Variants in LRRC4C observed in about 807,000 individuals in gnomAD.
LRRC4C encodes leucine rich repeat containing 4C.
In LRRC4C, 5 loss-of-function variants were observed where a neutral mutation model predicts 33.6. That is an observed-to-expected ratio of 0.15 (90% CI 0.08 to 0.31). The LOEUF is 0.31. LRRC4C is among the 10% of genes least tolerant of loss of function. The pLI, the probability that LRRC4C is intolerant of heterozygous loss-of-function variation, is 1.00. For synonymous variants in LRRC4C, 329 were observed against 302.0 expected (o/e 1.09, Z -0.93); for missense variants, 560 against 796.7 (o/e 0.70, Z 3.58).
chr11:40,848,852 G>A (rs1953334004), intron 2 of LRRC4C, among the ~76,000 whole-genome samples: 1 of 152,118 alleles, frequency 6.6e-6, no homozygotes, highest in African/African-American at 2.4e-5. Context: ...TATATACTTA[G>A]AATAGTTAAA....
chr11:40,629,772 A>G (rs1963291037), intron 3 of LRRC4C, among the ~76,000 whole-genome samples: 1 of 152,172 alleles, frequency 6.6e-6, no homozygotes. Context: ...AGCATTTTAA[A>G]TGATAGATGT....
intron 3 of LRRC4C, among the ~76,000 whole-genome samples, chr11:40,566,793 A>T (rs944965469): frequency 6.6e-6 from 1 of 152,182 alleles, no homozygotes; most frequent in Non-Finnish European, 1.5e-5. Flanking sequence ...TTTGCATAAC[A>T]GCCTCAGATG....
chr11:40,836,460 A>G (rs117819683), intron 2 of LRRC4C, among the ~76,000 whole-genome samples: 1,629 of 152,348 alleles, frequency 0.011, 19 homozygotes, highest in Middle Eastern at 0.037. Context: ...AGAAAGTTAT[A>G]GAATTGATCT....
At chr11:41,132,995 A>T (rs1943085400) in intron 1 of LRRC4C, among the ~76,000 whole-genome samples, 1 of 152,216 alleles carries the variant, frequency 6.6e-6, no homozygotes. Flanking sequence ...TAGAGATCAC[A>T]ATTTTTAATG....
chr11:41,073,838 T>C (rs1938903890), intron 1 of LRRC4C, among the ~76,000 whole-genome samples: 1 of 152,214 alleles, frequency 6.6e-6, no homozygotes, highest in South Asian at 2.1e-4. Context: ...CAGTGCTACA[T>C]AGTATCACAT....
At chr11:41,379,710 C>T (rs914792307) in intron 1 of LRRC4C, among the ~76,000 whole-genome samples, 1 of 151,876 alleles carries the variant, frequency 6.6e-6, no homozygotes, top group Admixed American at 6.6e-5. Flanking sequence ...ATGTTCCTGC[C>T]TCAGTGTGCC....
At chr11:40,868,913 G>C (rs1265389172) in intron 2 of LRRC4C, among the ~76,000 whole-genome samples, 1 of 152,082 alleles carries the variant, frequency 6.6e-6, no homozygotes, top group Non-Finnish European at 1.5e-5. Flanking sequence ...TATTCTCTGA[G>C]AAAGTACTTT....
chr11:40,268,050 G>A lies in LRRC4C; in HGVS notation c.-175-26452C>T, dbSNP rs1942412698. ...GAAAAATCAATCTTTTCTGAGAATGGCGTACAGCTCCCGAGTTAGGTAAAG... is the reference window on the plus strand; with the variant it reads ...GAAAAATCAATCTTTTCTGAGAATGACGTACAGCTCCCGAGTTAGGTAAAG... On this transcript the variant is annotated intron_variant, in intron 4 of 6. Transcript: ENST00000528697. Among the ~76,000 whole-genome samples the A allele has an allele frequency of 2.0e-5, 3 of 152,130 alleles. No individual in the cohort carries two copies. In the South Asian group the frequency reaches 6.2e-4, roughly 32 times the overall value.
In LRRC4C at chr11:40,623,385, G is replaced by A. The variant is rs974108861; in HGVS notation, c.-270+24757C>T. ...TTTAAGTTCTAAAGATTGTCTTGAT[G>A]CCATTCTAGCAACAGGGGAATCTCT... On this transcript the variant is annotated intron_variant, in intron 3 of 6. Transcript: ENST00000528697. 7.2e-5 allele frequency among the ~76,000 whole-genome samples: 11 copies of A among 152,030 alleles called. No individual in the cohort carries two copies. The East Asian group carries it at 1.7e-3, about 24-fold the overall frequency.
chr11:40,885,255 A>G (rs757177905), intron 2 of LRRC4C, among the ~76,000 whole-genome samples: 1 of 151,858 alleles, frequency 6.6e-6, no homozygotes, highest in Non-Finnish European at 1.5e-5. Context: ...CTTAGCACTT[A>G]TTTAGCTAAA....
intron 1 of LRRC4C, among the ~76,000 whole-genome samples, chr11:40,948,436 A>G (rs1430445478): frequency 1.3e-5 from 2 of 151,420 alleles, no homozygotes; most frequent in African/African-American, 4.9e-5. Context: ...TTACATATGT[A>G]TACATGTGCC....
rs565529799 is a variant in LRRC4C, at chr11:40,373,726, T to TG, written c.-269-54006dup. 7.5e-4 allele frequency among the ~76,000 whole-genome samples: 114 copies of TG among 152,262 alleles called. 1 individual carries two copies. The South Asian group carries it at 0.017, about 22-fold the overall frequency. ...AGTGAGTTCTCGCTCAGTTAGGTCATGCGAGAGCTGGTTACTCAAAGGAGC... is the reference window on the plus strand; with the variant it reads ...AGTGAGTTCTCGCTCAGTTAGGTCATGGCGAGAGCTGGTTACTCAAAGGAGC... On this transcript the variant is annotated intron_variant, in intron 3 of 6. Transcript: ENST00000528697.
chr11:40,911,458 A>C (rs1592067492), intron 2 of LRRC4C, among the ~76,000 whole-genome samples: 1 of 152,270 alleles, frequency 6.6e-6, no homozygotes. Flanking sequence ...ACCTCCGGCA[A>C]ACTCCAACAG....
chr11:40,974,218 A>G (rs1367744113), intron 1 of LRRC4C, among the ~76,000 whole-genome samples: 2 of 152,156 alleles, frequency 1.3e-5, no homozygotes, highest in Non-Finnish European at 2.9e-5. Flanking sequence ...TTAACATTTG[A>G]CGTGAGTTCT....
chr11:40,544,789 T>G (rs1956852412), intron 3 of LRRC4C, among the ~76,000 whole-genome samples: 1 of 152,116 alleles, frequency 6.6e-6, no homozygotes, highest in Admixed American at 6.6e-5. Context: ...AAATTTGTAT[T>G]TTAGTTTATT....
chr11:41,295,637 C>A (rs1311088016), intron 1 of LRRC4C, among the ~76,000 whole-genome samples: 1 of 151,100 alleles, frequency 6.6e-6, no homozygotes, highest in African/African-American at 2.4e-5. Flanking sequence ...TAGTACATAA[C>A]CTGACTCCGG....
At chr11:40,296,458 A>G (rs1944516609) in intron 4 of LRRC4C, among the ~76,000 whole-genome samples, 1 of 152,140 alleles carries the variant, frequency 6.6e-6, no homozygotes, top group Admixed American at 6.5e-5. Flanking sequence ...GACACAGCCA[A>G]AATTTGAACC....
At chr11:40,634,901 A>G (rs1000216774) in intron 3 of LRRC4C, among the ~76,000 whole-genome samples, 2 of 152,114 alleles carry the variant, frequency 1.3e-5, no homozygotes, top group African/African-American at 4.8e-5. Flanking sequence ...GAAAAAAGAA[A>G]AAAGGAAAAA....
At chr11:41,110,732 C>T (rs1171479999) in intron 1 of LRRC4C, among the ~76,000 whole-genome samples, 2 of 151,948 alleles carry the variant, frequency 1.3e-5, no homozygotes, top group East Asian at 1.9e-4. Flanking sequence ...TCTTCAGTCA[C>T]GTGATATTAA....
Sources: allele counts gnomAD v4.1 joint callset (sites outside exome capture counted in the v4.1 genomes callset), GRCh38; gene constraint gnomAD v4.1.1; transcripts MANE v1.5; gene names NCBI Gene and HGNC (gene_info 2026-07-23, HGNC 2026-07-21).